The following CNTNAP5 variants were observed in gnomAD, a reference collection of about 807,000 sequenced individuals.
CNTNAP5 encodes contactin-associated protein-like 5.
In CNTNAP5, 72 loss-of-function variants were observed where a neutral mutation model predicts 150.2. The ratio of observed to expected loss-of-function variants is 0.48; its 90% CI spans 0.40 to 0.58. CNTNAP5 has a LOEUF of 0.58. Among genes scored for constraint, CNTNAP5 ranks in the 20% least tolerant of loss-of-function variants. The pLI is 0.00. For missense variants in CNTNAP5, 1,636 were observed against 1,626.2 expected, an observed-to-expected ratio of 1.01 and a Z score of -0.10; for synonymous variants, 672 against 619.8, an observed-to-expected ratio of 1.08 and a Z score of -1.25.
At chr2:124,345,614 CTT>C (rs1355794061) in intron 3 of CNTNAP5, among the ~76,000 whole-genome samples, 1 of 152,068 alleles carries the variant, frequency 6.6e-6, no homozygotes, top group Non-Finnish European at 1.5e-5. Context: ...ATATGTCTGT[CTT>C]TATATTTTCA....
At chr2:124,779,401 T>G (rs1449076307) in intron 17 of CNTNAP5, among the ~76,000 whole-genome samples, 12 of 152,192 alleles carry the variant, frequency 7.9e-5, no homozygotes, top group Admixed American at 7.9e-4. Context: ...AAGTATGGTT[T>G]CCAAGGTTTC....
Position 124,577,112 on chromosome 2 carries a change from C to G in CNTNAP5, c.1756+13789C>G, listed in dbSNP as rs1696300616. ...TCTTTTAGGTAGTAAAATGTACCTT[C>G]TAACTTTCCTTAGTTAGTTTTATTT... On this transcript the variant is annotated intron_variant, in intron 11 of 23. Transcript: ENST00000682447. Among the ~76,000 whole-genome samples the G allele has an allele frequency of 2.0e-5, 3 of 152,166 alleles. No homozygotes were observed. The South Asian group carries it at 6.2e-4, about 32-fold the overall frequency.
At chr2:124,762,147 T>C (rs879523234) in intron 14 of CNTNAP5, among the ~76,000 whole-genome samples, 8 of 152,162 alleles carry the variant, frequency 5.3e-5, no homozygotes, top group Admixed American at 6.6e-5. Context: ...CTATGCAACA[T>C]TCATAGATGT....
intron 10 of CNTNAP5, among the ~76,000 whole-genome samples, chr2:124,528,462 G>C (rs190699624): frequency 4.0e-4 from 61 of 152,314 alleles, no homozygotes; most frequent in African/African-American, 1.4e-3. Context: ...ATAGAAGCAG[G>C]AGAAAGCATG....
intron 1 of CNTNAP5, among the ~76,000 whole-genome samples, chr2:124,040,368 A>T (rs900722216): frequency 6.6e-6 from 1 of 152,140 alleles, no homozygotes; most frequent in African/African-American, 2.4e-5. Context: ...ATTTAGGGCA[A>T]GATACTGTTA....
At chr2:124,244,306 C>T (rs1011756438) in intron 3 of CNTNAP5, among the ~76,000 whole-genome samples, 1 of 152,080 alleles carries the variant, frequency 6.6e-6, no homozygotes, top group Non-Finnish European at 1.5e-5. Flanking sequence ...GTCCATTTAG[C>T]CCCTGTGCCC....
intron 1 of CNTNAP5, among the ~76,000 whole-genome samples, chr2:124,080,598 C>T (rs971640540): frequency 6.6e-6 from 1 of 152,160 alleles, no homozygotes; most frequent in African/African-American, 2.4e-5. Flanking sequence ...TTTCCAATTG[C>T]ATTGGGCCAA....
chr2:124,708,599 T>G (rs893956289), intron 13 of CNTNAP5, among the ~76,000 whole-genome samples: 47 of 152,054 alleles, frequency 3.1e-4, no homozygotes, highest in African/African-American at 1.0e-3. Flanking sequence ...TACAATGCCG[T>G]TTAGTGTTGT....
chr2:124,763,926 C>A, intron 15 of CNTNAP5, 51 bp from the exon 16 acceptor site: 2 of 1,598,844 alleles, frequency 1.3e-6, no homozygotes, highest in Non-Finnish European at 1.7e-6. Context: ...AGTGCTTTCC[C>A]ATACCCCACT....
chr2:124,606,934 A>C (rs1189949647), intron 11 of CNTNAP5, among the ~76,000 whole-genome samples: 1 of 152,072 alleles, frequency 6.6e-6, no homozygotes, highest in Non-Finnish European at 1.5e-5. Context: ...AAAACTCATA[A>C]AAAAAGGAGA....
chr2:124,386,377 T>C (rs1690926867), intron 3 of CNTNAP5, among the ~76,000 whole-genome samples: 1 of 152,182 alleles, frequency 6.6e-6, no homozygotes, highest in Non-Finnish European at 1.5e-5. Flanking sequence ...GGCAATAGTT[T>C]AATCTAGTTC....
At chr2:124,176,662 G>C (rs1207450676) in intron 1 of CNTNAP5, among the ~76,000 whole-genome samples, 1 of 151,976 alleles carries the variant, frequency 6.6e-6, no homozygotes, top group Non-Finnish European at 1.5e-5. Context: ...GACAAATAGA[G>C]TATGATCTAA....
chr2:124,553,128 A>C (rs1388701547), intron 10 of CNTNAP5, among the ~76,000 whole-genome samples: 6 of 152,204 alleles, frequency 3.9e-5, no homozygotes, highest in Non-Finnish European at 8.8e-5. Context: ...CATTGTGGCA[A>C]TGTTCTTCAT....
At chr2:124,183,002 T>C (rs1160092723) in intron 1 of CNTNAP5, among the ~76,000 whole-genome samples, 1 of 152,182 alleles carries the variant, frequency 6.6e-6, no homozygotes, top group Non-Finnish European at 1.5e-5. Context: ...AAATAGCAAA[T>C]AAATCCTTCA....
chr2:124,033,179 CA>C (rs1681112065), intron 1 of CNTNAP5, among the ~76,000 whole-genome samples: 1 of 152,132 alleles, frequency 6.6e-6, no homozygotes, highest in Non-Finnish European at 1.5e-5. Flanking sequence ...CATCTGTTCA[CA>C]GGATCAGCTG....
At chr2:124,545,580 G>A (rs547450447) in intron 10 of CNTNAP5, among the ~76,000 whole-genome samples, 2 of 152,166 alleles carry the variant, frequency 1.3e-5, no homozygotes, top group South Asian at 4.1e-4. Context: ...CTAGTCTCTT[G>A]TCAGTTTGCT....
intron 21 of CNTNAP5, among the ~76,000 whole-genome samples, chr2:124,882,638 T>C (rs764102297): frequency 2.4e-4 from 37 of 152,238 alleles, no homozygotes; most frequent in Middle Eastern, 6.8e-3. Context: ...CCTGCAAATA[T>C]GCACATTTCA....
chr2:124,726,742 G>T (rs1443701609), intron 13 of CNTNAP5, among the ~76,000 whole-genome samples: 1 of 151,848 alleles, frequency 6.6e-6, no homozygotes, highest in Non-Finnish European at 1.5e-5. Context: ...CCCCTTATCA[G>T]ATGTATAGTT....
intron 3 of CNTNAP5, among the ~76,000 whole-genome samples, chr2:124,245,393 A>G (rs1370878603): frequency 6.6e-6 from 1 of 152,134 alleles, no homozygotes; most frequent in Non-Finnish European, 1.5e-5. Context: ...ATTTTAAATT[A>G]GAATTAAGAC....
Sources: gnomAD v4.1 joint callset for allele counts (sites outside exome capture counted in the v4.1 genomes callset) on GRCh38, gnomAD v4.1.1 for gene constraint, MANE v1.5 for transcripts, NCBI Gene and HGNC (gene_info 2026-07-23, HGNC 2026-07-21) for gene names.